Variants in CAMSAP2 observed in about 807,000 individuals in gnomAD.
CAMSAP2 encodes calmodulin regulated spectrin associated protein family member 2.
CAMSAP2 carries 26 observed loss-of-function variants against 146.1 expected under a neutral mutation model. The observed-to-expected ratio is 0.18, with a 90% CI of 0.13 to 0.25. CAMSAP2 has a LOEUF of 0.25. Among genes scored for constraint, CAMSAP2 ranks in the 10% least tolerant of loss-of-function variants. CAMSAP2 has a pLI of 1.00. For synonymous variants in CAMSAP2, 499 were observed against 596.6 expected (o/e 0.84, Z 2.38); for missense variants, 1,381 against 1,759.3 (o/e 0.78, Z 3.85).
rs148865254 is a variant in CAMSAP2 at position 200,831,539 on chromosome 1, T to A, written c.646-661T>A. On this transcript the variant is annotated intron_variant, in intron 4 of 16. Transcript: ENST00000358823. Reference sequence around the variant, plus strand: ...AATTCTATCTAGCCACACCAAACAATCTTTAGGAAACAAAGGTTTCTTCTC... The same window carrying A: ...AATTCTATCTAGCCACACCAAACAAACTTTAGGAAACAAAGGTTTCTTCTC... Among the ~76,000 whole-genome samples the A allele has an allele frequency of 9.7e-4, 148 of 152,130 alleles. 2 individuals carry two copies. The East Asian group carries it at 0.026, about 27-fold the overall frequency.
intron 1 of CAMSAP2, among the ~76,000 whole-genome samples, chr1:200,748,154 C>T (rs917959042): frequency 7.2e-5 from 11 of 152,128 alleles, no homozygotes; most frequent in African/African-American, 2.7e-4. Context: ...CAAATATATA[C>T]AATAACAATA....
chr1:200,807,091 A>G (rs143968447), intron 2 of CAMSAP2, among the ~76,000 whole-genome samples: 427 of 152,294 alleles, frequency 2.8e-3, no homozygotes, highest in African/African-American at 9.5e-3. Flanking sequence ...TGCTGAGTAA[A>G]TGACCATGAC....
At chr1:200,799,864 T>A (rs1665990295) in intron 2 of CAMSAP2, among the ~76,000 whole-genome samples, 1 of 152,214 alleles carries the variant, frequency 6.6e-6, no homozygotes, top group Non-Finnish European at 1.5e-5. Flanking sequence ...GAGATTCTAG[T>A]ACATGTGTCT....
chr1:200,845,121 A>G (rs1226271952), intron 8 of CAMSAP2, among the ~76,000 whole-genome samples: 1 of 152,222 alleles, frequency 6.6e-6, no homozygotes, highest in Admixed American at 6.5e-5. Flanking sequence ...CCTAAAACCA[A>G]ACTTTTGATG....
chr1:200,787,084 C>T (rs1212844713), intron 2 of CAMSAP2, among the ~76,000 whole-genome samples: 1 of 151,840 alleles, frequency 6.6e-6, no homozygotes, highest in Non-Finnish European at 1.5e-5. Context: ...CACCCAAGAG[C>T]TGTGATGGAG....
chr1:200,750,960 T>A (rs917197472), intron 1 of CAMSAP2, among the ~76,000 whole-genome samples: 3 of 142,214 alleles, frequency 2.1e-5, no homozygotes, highest in Non-Finnish European at 4.5e-5. Context: ...TGGAATGCAG[T>A]GGCACGATCT....
intron 2 of CAMSAP2, among the ~76,000 whole-genome samples, chr1:200,770,827 A>G (rs565329902): frequency 7.2e-5 from 11 of 152,132 alleles, no homozygotes; most frequent in Non-Finnish European, 1.3e-4. Flanking sequence ...CTTTTTTCAC[A>G]AGTAAGGAAA....
intron 15 of CAMSAP2, among the ~76,000 whole-genome samples, chr1:200,856,647 G>C (rs1667758954): frequency 6.6e-6 from 1 of 152,210 alleles, no homozygotes; most frequent in African/African-American, 2.4e-5. Flanking sequence ...AAGCAGGAGA[G>C]AAATCAGAAG....
chr1:200,834,376 CATT>C (rs1475800874), intron 6 of CAMSAP2, among the ~76,000 whole-genome samples: 1 of 151,718 alleles, frequency 6.6e-6, no homozygotes, highest in East Asian at 1.9e-4. Context: ...AAAAAAAAAT[CATT>C]ATTATCATCA....
chr1:200,773,688 T>C (rs1665183612), intron 2 of CAMSAP2, among the ~76,000 whole-genome samples: 1 of 152,084 alleles, frequency 6.6e-6, no homozygotes, highest in East Asian at 1.9e-4. Flanking sequence ...TTCTCCTAGT[T>C]TAAATATCTA....
At chr1:200,850,302 T>A (rs1041529745) in intron 11 of CAMSAP2, 68 bp downstream of exon 11, 3 of 1,400,968 alleles carry the variant, frequency 2.1e-6, no homozygotes, top group Non-Finnish European at 2.9e-6. Flanking sequence ...GGATATTTTT[T>A]TTTTCAGTTG....
rs1466927052 is a variant in CAMSAP2, at chr1:200,859,978, A to G, written c.*1919A>G. 6.5e-6 allele frequency: 1 copy of G among 152,718 alleles called. No individual in the cohort carries two copies. Among genetic ancestry groups the G allele is most frequent in the Non-Finnish European group, 1.5e-5 (1 of 67,970 alleles). 9.5% of individuals were successfully genotyped at this position (152,718 alleles called of 1,614,324 possible). A position where few individuals can be genotyped will look rare whatever the true frequency, so the allele number is the denominator to read the frequency against. The stretch of plus-strand genomic sequence containing the variant: ...TCATCAAAGCAATCTTTGTGATATT[A>G]CTTCGCTATTAAATAAAGAAAATTG... On this transcript the variant is annotated 3_prime_UTR_variant, in exon 17 of 17. Coordinates refer to ENST00000358823, the MANE Select transcript of CAMSAP2 (RefSeq NM_203459.4).
At chr1:200,852,220 A>G (rs1312470332) in intron 11 of CAMSAP2, among the ~76,000 whole-genome samples, 1 of 152,172 alleles carries the variant, frequency 6.6e-6, no homozygotes, top group Non-Finnish European at 1.5e-5. Flanking sequence ...TGGTGGGGGA[A>G]CTACCTACTG....
At chr1:200,782,060 A>G (rs1027439727) in intron 2 of CAMSAP2, among the ~76,000 whole-genome samples, 1 of 152,222 alleles carries the variant, frequency 6.6e-6, no homozygotes, top group African/African-American at 2.4e-5. Flanking sequence ...GATTTTATTC[A>G]TTATTGTAAT....
At chr1:200,789,796 A>ACTCT (rs35313039) in intron 2 of CAMSAP2, among the ~76,000 whole-genome samples, 47,956 of 151,494 alleles carry the variant, frequency 0.32, 8,575 homozygotes, top group East Asian at 0.52. Flanking sequence ...ATGAACATGG[A>ACTCT]CTCTCCATTT....
At chr1:200,811,702 G>T (rs1666336026) in intron 3 of CAMSAP2, among the ~76,000 whole-genome samples, 1 of 152,132 alleles carries the variant, frequency 6.6e-6, no homozygotes, top group African/African-American at 2.4e-5. Context: ...AATTCTACAA[G>T]TATCTTTTTA....
chr1:200,829,107 A>G (rs1295030258), intron 4 of CAMSAP2, among the ~76,000 whole-genome samples: 1 of 152,216 alleles, frequency 6.6e-6, no homozygotes, highest in Non-Finnish European at 1.5e-5. Context: ...GTGAGCCGAG[A>G]TCGCGCCATT....
intron 4 of CAMSAP2, among the ~76,000 whole-genome samples, chr1:200,821,178 C>CTTT (rs796304937): frequency 2.8e-5 from 4 of 144,730 alleles, no homozygotes; most frequent in East Asian, 2.0e-4. Context: ...GCTTCTTCTT[C>CTTT]TTCTTTTTTT....
At chr1:200,819,900 A>G (rs1450462749) in intron 4 of CAMSAP2, among the ~76,000 whole-genome samples, 3 of 152,142 alleles carry the variant, frequency 2.0e-5, no homozygotes, top group Non-Finnish European at 2.9e-5. Flanking sequence ...ACTAGGTCAT[A>G]AGGAACAATA....
Sources: allele counts gnomAD v4.1 joint callset (sites outside exome capture counted in the v4.1 genomes callset), GRCh38; gene constraint gnomAD v4.1.1; transcripts MANE v1.5; gene names NCBI Gene and HGNC (gene_info 2026-07-23, HGNC 2026-07-21).